Variants in BEND6 observed in about 807,000 individuals in gnomAD.
BEND6 encodes the protein BEN domain-containing protein 6.
In BEND6, 24 loss-of-function variants were observed where a neutral mutation model predicts 31.8. That is an observed-to-expected ratio of 0.75 (90% confidence interval 0.55 to 1.06). The LOEUF (loss-of-function observed/expected upper bound fraction) is 1.06, where lower values mean the gene tolerates loss of function less well. BEND6 is among the 50% of genes least tolerant of loss of function. The pLI, the probability that BEND6 is intolerant of heterozygous loss-of-function variation, is 0.00. For missense variants in BEND6, 294 were observed against 327.4 expected (o/e 0.90, Z 0.79); for synonymous variants, 109 against 114.6 (o/e 0.95, Z 0.31).
At chr6:56,971,893 C>T (rs1032481977) in intron 1 of BEND6, among the ~76,000 whole-genome samples, 4 of 152,016 alleles carry the variant, frequency 2.6e-5, no homozygotes, top group African/African-American at 7.3e-5. Flanking sequence ...TATTTTCTCA[C>T]ATTCTATGGG....
intron 3 of BEND6, among the ~76,000 whole-genome samples, chr6:56,997,584 C>A (rs1826769092): frequency 1.3e-5 from 2 of 151,114 alleles, no homozygotes; most frequent in African/African-American, 4.8e-5. Context: ...GACGGAATCT[C>A]ACTCTGTCGC....
chr6:56,998,747 A>G (rs1826818073), intron 3 of BEND6, among the ~76,000 whole-genome samples: 1 of 151,636 alleles, frequency 6.6e-6, no homozygotes, highest in Admixed American at 6.6e-5. Flanking sequence ...CATAGGCAAC[A>G]AAAGCAAAAA....
chr6:57,011,882 T>C (rs1308826009), intron 3 of BEND6, among the ~76,000 whole-genome samples: 2 of 151,790 alleles, frequency 1.3e-5, no homozygotes, highest in African/African-American at 2.4e-5. Flanking sequence ...TCCCAGCAAT[T>C]TGGGAGGCCG....
chr6:56,997,844 G>A lies in BEND6; in HGVS notation c.298+5289G>A, dbSNP rs139933113. Reference sequence around the variant, plus strand: ...TGGGATTACAGGCATGAGCTACCGCGCCTGGCCCATTTATTCATTTAGTAA... The same window carrying A: ...TGGGATTACAGGCATGAGCTACCGCACCTGGCCCATTTATTCATTTAGTAA... On this transcript the variant is annotated intron_variant, in intron 3 of 6. Transcript: ENST00000370746. Among the ~76,000 whole-genome samples the A allele has an allele frequency of 3.8e-4, 58 of 152,176 alleles. No individual in the cohort carries two copies. The East Asian group carries it at 9.5e-3, about 25-fold the overall frequency.
chr6:57,026,706 G>A lies in BEND6; in HGVS notation c.*634G>A, dbSNP rs1382295606. ...AATATGAAAAAAATGACAACAGCAA[G>A]ATGTTTTATTTTAATGTTAAGCAAT... On this transcript the variant is annotated 3_prime_UTR_variant, in exon 7 of 7. Transcript: ENST00000370746. The A allele has an allele frequency of 6.6e-6, 1 of 152,166 alleles. No individual in the cohort carries two copies. The highest frequency in any genetic ancestry group is 1.5e-5 in the Non-Finnish European group (1 of 68,022). 9.4% of individuals were successfully genotyped at this position (152,166 alleles called of 1,614,324 possible). A position where few individuals can be genotyped will look rare whatever the true frequency, so the allele number is the denominator to read the frequency against.
At chr6:56,965,772 A>G (rs561145181) in intron 1 of BEND6, among the ~76,000 whole-genome samples, 99 of 151,130 alleles carry the variant, frequency 6.6e-4, no homozygotes, top group African/African-American at 2.2e-3. Flanking sequence ...TTCATATTAT[A>G]ATTGATTAGA....
intron 1 of BEND6, among the ~76,000 whole-genome samples, chr6:56,975,430 T>A (rs1481787465): frequency 6.6e-6 from 1 of 152,140 alleles, no homozygotes; most frequent in Non-Finnish European, 1.5e-5. Context: ...CTCTTTGATA[T>A]TAAGAAGAAA....
chr6:56,980,015 A>G (rs949941418), intron 1 of BEND6, among the ~76,000 whole-genome samples: 4 of 152,224 alleles, frequency 2.6e-5, no homozygotes, highest in Admixed American at 6.5e-5. Flanking sequence ...TCACAACTTA[A>G]ACATTCTCCA....
intron 6 of BEND6, among the ~76,000 whole-genome samples, 158 bp from the exon 7 acceptor site, chr6:57,025,924 T>G (rs1827887488): frequency 6.6e-6 from 1 of 152,170 alleles, no homozygotes; most frequent in East Asian, 1.9e-4. Context: ...GAAGCCAGCT[T>G]GCTTCTACAC....
intron 3 of BEND6, among the ~76,000 whole-genome samples, chr6:56,998,825 A>G (rs1826822483): frequency 6.6e-6 from 1 of 152,212 alleles, no homozygotes; most frequent in Non-Finnish European, 1.5e-5. Flanking sequence ...CTACACAACA[A>G]AGGAAACAAT....
intron 2 of BEND6, among the ~76,000 whole-genome samples, chr6:56,992,033 C>T (rs530511192): frequency 6.6e-6 from 1 of 152,320 alleles, no homozygotes; most frequent in African/African-American, 2.4e-5. Context: ...GTGAGGCATT[C>T]TGCTCAAATC....
In BEND6 at chr6:57,008,180, G is replaced by A. The variant is rs1827225866; in HGVS notation, c.299-6953G>A. On this transcript the variant is annotated intron_variant, in intron 3 of 6. Transcript: ENST00000370746. ...TTATTTCTATCTTATCTCCTTTACA[G>A]CTTGGTCCAGAGAGCTGCCTTAGAC... 4.3e-6 allele frequency: 3 copies of A among 702,922 alleles called. No homozygotes were observed. The East Asian group carries it at 8.0e-5, about 19-fold the overall frequency. The allele number at this position is 702,922 out of a possible 1,614,324, so 43.5% of individuals were successfully genotyped here.
intron 5 of BEND6, among the ~76,000 whole-genome samples, 188 bp from the exon 6 acceptor site, chr6:57,018,233 T>C (rs35744682): frequency 1.3e-5 from 2 of 152,334 alleles, no homozygotes; most frequent in African/African-American, 4.8e-5. Flanking sequence ...CCTTCTGATA[T>C]CTCTTGCTTT....
intron 1 of BEND6, among the ~76,000 whole-genome samples, chr6:56,956,223 A>G (rs944655360): frequency 6.6e-6 from 1 of 152,260 alleles, no homozygotes; most frequent in African/African-American, 2.4e-5. Flanking sequence ...TCTTATAACA[A>G]CTGTATTAGC....
intron 2 of BEND6, among the ~76,000 whole-genome samples, chr6:56,990,077 A>G (rs973751845): frequency 6.6e-6 from 1 of 152,028 alleles, no homozygotes; most frequent in Non-Finnish European, 1.5e-5. Context: ...GCATGTGTGT[A>G]TGTGTGTATG....
intron 1 of BEND6, among the ~76,000 whole-genome samples, chr6:56,973,747 T>C (rs989853791): frequency 6.6e-6 from 1 of 152,284 alleles, no homozygotes; most frequent in East Asian, 1.9e-4. Context: ...GCATTCTTTT[T>C]AAACTTACAA....
At chr6:56,998,137 G>C (rs1826795264) in intron 3 of BEND6, among the ~76,000 whole-genome samples, 1 of 152,204 alleles carries the variant, frequency 6.6e-6, no homozygotes, top group Non-Finnish European at 1.5e-5. Flanking sequence ...TTAACGGCAT[G>C]TTTATAGCAG....
chr6:56,999,032 C>T lies in BEND6; in HGVS notation c.298+6477C>T, dbSNP rs150942600. 5.3e-5 allele frequency among the ~76,000 whole-genome samples: 8 copies of T among 152,344 alleles called. No individual in the cohort carries two copies. The East Asian group carries it at 1.5e-3, about 29-fold the overall frequency. On this transcript the variant is annotated intron_variant, in intron 3 of 6. Coordinates refer to ENST00000370746, the MANE Select transcript of BEND6 (RefSeq NM_152731.3). ...GCTGAAGCCATGGTGCAGCAGTTTC[C>T]TCTCTGCTTCACTCACAGGACCCAG...
intron 3 of BEND6, among the ~76,000 whole-genome samples, chr6:56,996,885 T>C (rs975402803): frequency 6.6e-6 from 1 of 152,182 alleles, no homozygotes; most frequent in Admixed American, 6.5e-5. Context: ...CATCCCTACT[T>C]CTGTTCTTGT....
Sources: gnomAD v4.1 joint callset for allele counts (sites outside exome capture counted in the v4.1 genomes callset) on GRCh38, gnomAD v4.1.1 for gene constraint, MANE v1.5 for transcripts, NCBI Gene and HGNC (gene_info 2026-07-23, HGNC 2026-07-21) for gene names.